The following RAPGEF2 variants were observed in gnomAD, a reference collection of about 807,000 sequenced individuals.
RAPGEF2 encodes the protein Rap guanine nucleotide exchange factor 2, also known as PDZ domain containing guanine nucleotide exchange factor (GEF) 1.
RAPGEF2 carries 54 observed loss-of-function variants against 186.7 expected under a neutral mutation model. The ratio of observed to expected loss-of-function variants is 0.29; its 90% confidence interval spans 0.23 to 0.36. RAPGEF2 has a LOEUF of 0.36. Ranked by LOEUF, RAPGEF2 falls within the 10% of genes least tolerant of loss-of-function variation. The probability of loss-of-function intolerance (pLI) is 1.00; values close to 1 mark genes in which losing one functional copy is unlikely to be tolerated. For missense variants in RAPGEF2, 1,532 were observed against 2,045.0 expected (o/e 0.75, Z 4.84); for synonymous variants, 712 against 705.9 (o/e 1.01, Z -0.14).
At chr4:159,339,731 C>T (rs188041998) in intron 19 of RAPGEF2, among the ~76,000 whole-genome samples, 178 of 152,268 alleles carry the variant, frequency 1.2e-3, no homozygotes, top group African/African-American at 4.0e-3. Flanking sequence ...TGTATATGTA[C>T]GTTCACAAAC....
intron 7 of RAPGEF2, among the ~76,000 whole-genome samples, chr4:159,286,564 C>G (rs188520439): frequency 2.3e-4 from 35 of 152,296 alleles, no homozygotes; most frequent in Middle Eastern, 6.8e-3. Context: ...TCTCCACTCC[C>G]TGGAGAACTA....
chr4:159,148,711 T>C (rs537302006), intron 1 of RAPGEF2, among the ~76,000 whole-genome samples: 1 of 152,378 alleles, frequency 6.6e-6, no homozygotes, highest in South Asian at 2.1e-4. Context: ...CCAGATTTCA[T>C]ATTACATTTT....
chr4:159,166,502 T>C (rs1745334935), intron 1 of RAPGEF2, among the ~76,000 whole-genome samples: 1 of 152,204 alleles, frequency 6.6e-6, no homozygotes, highest in African/African-American at 2.4e-5. Flanking sequence ...TGTGGGATTT[T>C]AGTCTCATTA....
chr4:159,269,469 A>G (rs761869577), intron 7 of RAPGEF2, among the ~76,000 whole-genome samples: 2 of 152,104 alleles, frequency 1.3e-5, no homozygotes, highest in Non-Finnish European at 2.9e-5. Flanking sequence ...ACTAGTAGGA[A>G]AGGTTGTTGT....
intron 9 of RAPGEF2, among the ~76,000 whole-genome samples, chr4:159,316,246 C>T (rs952939854): frequency 2.0e-5 from 3 of 151,938 alleles, no homozygotes; most frequent in Admixed American, 6.6e-5. Context: ...GATTATAGAA[C>T]GAGGATTATT....
chr4:159,301,530 TTTCA>T (rs1762673623), intron 7 of RAPGEF2, among the ~76,000 whole-genome samples: 1 of 152,200 alleles, frequency 6.6e-6, no homozygotes. Context: ...TATATCATTA[TTTCA>T]TGCCATTCTG....
chr4:159,219,852 A>G (rs558988459), intron 4 of RAPGEF2, among the ~76,000 whole-genome samples: 3 of 152,300 alleles, frequency 2.0e-5, no homozygotes, highest in Admixed American at 6.5e-5. Context: ...CTCACCTGCA[A>G]TGTTTGATAT....
rs562450854 is a variant in RAPGEF2 at position 159,247,384 on chromosome 4, A to C, written c.543+3593A>C. Among the ~76,000 whole-genome samples the C allele has an allele frequency of 1.4e-4, 22 of 152,320 alleles. No homozygotes were observed. The South Asian group carries it at 4.6e-3, about 32-fold the overall frequency. On this transcript the variant is annotated intron_variant, in intron 7 of 29. Transcript: ENST00000691494. The stretch of plus-strand genomic sequence containing the variant: ...CCCTACAGGAGTCGGGGATGGTTTC[A>C]TGAACCACCTGAATATCTTGGCTCA...
intron 7 of RAPGEF2, among the ~76,000 whole-genome samples, chr4:159,286,558 C>T (rs947102481): frequency 2.0e-5 from 3 of 152,128 alleles, no homozygotes; most frequent in Non-Finnish European, 4.4e-5. Context: ...AATGAATCTC[C>T]ACTCCCTGGA....
chr4:159,114,006 G>T (rs1738777647), intron 1 of RAPGEF2, among the ~76,000 whole-genome samples: 1 of 151,900 alleles, frequency 6.6e-6, no homozygotes, highest in African/African-American at 2.4e-5. Context: ...ACCCAGGCTG[G>T]AGTGCAGTGA....
intron 19 of RAPGEF2, among the ~76,000 whole-genome samples, chr4:159,340,667 C>CCAAA (rs1554040734): frequency 6.5e-5 from 5 of 76,846 alleles, no homozygotes; most frequent in African/African-American, 2.7e-4. Flanking sequence ...ACCACCATCA[C>CCAAA]CACACACACA....
intron 1 of RAPGEF2, among the ~76,000 whole-genome samples, chr4:159,136,555 T>C (rs1258524815): frequency 6.6e-6 from 1 of 152,212 alleles, no homozygotes; most frequent in Non-Finnish European, 1.5e-5. Flanking sequence ...CAGGCTACTA[T>C]GCTTTTTAAC....
intron 1 of RAPGEF2, among the ~76,000 whole-genome samples, chr4:159,117,288 A>G (rs756551830): frequency 1.3e-4 from 20 of 152,214 alleles, no homozygotes; most frequent in Admixed American, 3.3e-4. Context: ...AGCAAGCTTT[A>G]GGGCAAACAT....
At chr4:159,329,057 C>T (rs183173439) in intron 11 of RAPGEF2, 2 of 152,208 alleles carry the variant, frequency 1.3e-5, no homozygotes, top group African/African-American at 4.8e-5. Flanking sequence ...AAATACCATG[C>T]TTCTTTCCAT....
chr4:159,117,069 T>C lies in RAPGEF2; in HGVS notation c.69+12838T>C, dbSNP rs181528558. On this transcript the variant is annotated intron_variant, in intron 1 of 29. Coordinates refer to ENST00000691494, the MANE Select transcript of RAPGEF2 (RefSeq NM_001394067.2). ...TTATCTAAGTTGTATCTTATAGTTA[T>C]TGTATTGAAAAATGGCTTCATCAAA... Among the ~76,000 whole-genome samples, 5 of 152,340 alleles carry C rather than the reference T, an allele frequency of 3.3e-5. No homozygotes were observed. The East Asian group carries it at 5.8e-4, about 18-fold the overall frequency.
rs1306348746 is a variant in RAPGEF2, at chr4:159,103,866, G to GAAA, written c.-297_-296insAAA. The GAAA allele has an allele frequency of 7.5e-5, 11 of 147,242 alleles. No homozygotes were observed. The highest frequency in any genetic ancestry group is 1.3e-4 in the Non-Finnish European group (9 of 67,800). 9.1% of individuals were successfully genotyped at this position (147,242 alleles called of 1,614,324 possible). The stretch of plus-strand genomic sequence containing the variant: ...CCGGAGGAAGCCGGCGGAGCGGCGA[G>GAAA]GAAGAGGAGGAGGAGGAGGAAGGGG... On this transcript the variant is annotated 5_prime_UTR_variant, in exon 1 of 30. Coordinates refer to ENST00000691494, the MANE Select transcript of RAPGEF2 (RefSeq NM_001394067.2).
At chr4:159,170,657 T>C (rs1291373357) in intron 1 of RAPGEF2, among the ~76,000 whole-genome samples, 1 of 152,196 alleles carries the variant, frequency 6.6e-6, no homozygotes, top group African/African-American at 2.4e-5. Flanking sequence ...ATTCTGTAGG[T>C]TGTCTCTTTA....
At chr4:159,350,882 G>A (rs745332218) in intron 26 of RAPGEF2, among the ~76,000 whole-genome samples, 3 of 152,192 alleles carry the variant, frequency 2.0e-5, no homozygotes, top group Non-Finnish European at 2.9e-5. Context: ...TGGCTAGGAC[G>A]TAGTTTTCCC....
chr4:159,345,182 C>T lies in RAPGEF2; in HGVS notation c.3355C>T (p.Arg1119Cys), dbSNP rs374195291. 8.1e-6 allele frequency: 13 copies of T among 1,614,028 alleles called. No homozygotes were observed. Among genetic ancestry groups the T allele is most frequent in the Admixed American group, 1.7e-5 (1 of 60,004 alleles). Residue 1119 changes from arginine to cysteine, a missense_variant, in exon 24 of 30, where the codon CGT becomes TGT. By Grantham distance (180) the Arg-to-Cys change is radical. Coordinates refer to ENST00000691494, the MANE Select transcript of RAPGEF2 (RefSeq NM_001394067.2). ...AGGTGGTCATAAAAAGCGGGTACGT[C>T]GTAGTTCCTTTCTCAATGCCAAAAA... ...QTGGHKKRVR[R>C]SSFLNAKKLY...
Sources: gnomAD v4.1 joint callset for allele counts (sites outside exome capture counted in the v4.1 genomes callset) on GRCh38, gnomAD v4.1.1 for gene constraint, MANE v1.5 for transcripts, NCBI Gene and HGNC (gene_info 2026-07-23, HGNC 2026-07-21) for gene names.